PLXNA2: variants seen among roughly 807,000 people sequenced by gnomAD.
The protein encoded by PLXNA2 is plexin-A2.
In PLXNA2, 91 loss-of-function variants were observed where a neutral mutation model predicts 193.5. That is an observed-to-expected ratio of 0.47 (90% confidence interval 0.40 to 0.56). PLXNA2 has a LOEUF of 0.56. Ranked by LOEUF, PLXNA2 falls within the 20% of genes least tolerant of loss-of-function variation. PLXNA2 has a pLI of 0.00. For synonymous variants in PLXNA2, 997 were observed against 1,027.3 expected, an observed-to-expected ratio of 0.97 and a Z score of 0.56; for missense variants, 1,995 against 2,503.2, an observed-to-expected ratio of 0.80 and a Z score of 4.33.
At chr1:208,158,283 C>T (rs531744912) in intron 3 of PLXNA2, among the ~76,000 whole-genome samples, 4 of 152,318 alleles carry the variant, frequency 2.6e-5, no homozygotes, top group African/African-American at 9.6e-5. Context: ...TTCTCCTTCC[C>T]TTCCTTGTCT....
At chr1:208,040,118 C>T in intron 22 of PLXNA2, 60 bp from the exon 23 acceptor site, 1 of 1,390,448 alleles carries the variant, frequency 7.2e-7, no homozygotes, top group Non-Finnish European at 1.0e-6. Flanking sequence ...GTGGTGGGGC[C>T]TGGGCTTGCC....
chr1:208,023,894 G>A lies in PLXNA2; in HGVS notation c.*3349C>T, dbSNP rs1571832657. On this transcript the variant is annotated 3_prime_UTR_variant, in exon 32 of 32. Transcript: ENST00000367033. ...CCCTCCTCCAATGAGATTAACAGCTGATCCATGCTTTTAATGACTGAACTC... is the reference window on the plus strand; with the variant it reads ...CCCTCCTCCAATGAGATTAACAGCTAATCCATGCTTTTAATGACTGAACTC... The A allele has an allele frequency of 6.6e-6, 1 of 152,298 alleles. No individual in the cohort carries two copies. Among genetic ancestry groups the A allele is most frequent in the East Asian group, 1.9e-4 (1 of 5,200 alleles). The allele number at this position is 152,298 out of a possible 1,614,324, so 9.4% of individuals were successfully genotyped here.
intron 12 of PLXNA2, among the ~76,000 whole-genome samples, chr1:208,065,720 G>T (rs1347755852): frequency 6.6e-6 from 1 of 152,206 alleles, no homozygotes; most frequent in Non-Finnish European, 1.5e-5. Context: ...AATGCCCGAA[G>T]CCTGAGCTTG....
chr1:208,175,058 G>A lies in PLXNA2; in HGVS notation c.1372-32595C>T, dbSNP rs530363299. On this transcript the variant is annotated intron_variant, in intron 3 of 31. Coordinates refer to ENST00000367033, the MANE Select transcript of PLXNA2 (RefSeq NM_025179.4). ...TTAGGACTTTGCACACTAGTGGCTC[G>A]TGGGAGCTCCTGTACCCCTTAGAAA... is the stretch of plus-strand genomic sequence containing the variant. Among the ~76,000 whole-genome samples, 32 of 152,294 alleles carry A rather than the reference G, an allele frequency of 2.1e-4. 1 individual carries two copies. The South Asian group carries it at 4.4e-3, about 21-fold the overall frequency.
rs139310547 is a variant in PLXNA2, at chr1:208,171,950, C to T, written c.1372-29487G>A. On this transcript the variant is annotated intron_variant, in intron 3 of 31. Transcript: ENST00000367033. ...AAGAAAATGCATATGATGCATAGTG[C>T]CTGGGGCACATAGTAGGTGCTCAGT... is the stretch of plus-strand genomic sequence containing the variant. Among the ~76,000 whole-genome samples, 397 of 151,058 alleles carry T rather than the reference C, an allele frequency of 2.6e-3. 3 individuals carry two copies. Among genetic ancestry groups the T allele is most frequent in the Middle Eastern group, 0.01 (3 of 292 alleles).
At chr1:208,188,572 G>A (rs948299501) in intron 3 of PLXNA2, among the ~76,000 whole-genome samples, 1 of 152,120 alleles carries the variant, frequency 6.6e-6, no homozygotes, top group Non-Finnish European at 1.5e-5. Flanking sequence ...AGCTGGGCAT[G>A]GTGGTGGTTG....
intron 1 of PLXNA2, among the ~76,000 whole-genome samples, chr1:208,219,096 C>T (rs1158008859): frequency 1.3e-5 from 2 of 152,198 alleles, no homozygotes; most frequent in African/African-American, 2.4e-5. Context: ...TGCTCGAAGC[C>T]CAGTCTCTAG....
chr1:208,048,386 G>C (rs1383192962), intron 17 of PLXNA2, among the ~76,000 whole-genome samples: 1 of 152,190 alleles, frequency 6.6e-6, no homozygotes, highest in African/African-American at 2.4e-5. Context: ...CAGAAGCACA[G>C]GGCAGGGGTT....
At position 208,210,359 on chromosome 1, in the gene PLXNA2, C is replaced by T. The variant is rs756356414; in HGVS notation, c.1292G>A (p.Arg431His). 5.6e-6 allele frequency: 9 copies of T among 1,614,022 alleles called. No homozygotes were observed. The highest frequency in any genetic ancestry group is 4.5e-5 in the East Asian group (2 of 44,844). The stretch of plus-strand genomic sequence containing the variant: ...AACGTAGGAGGCCACAGAGGTCATG[C>T]GGTCCCTGCTGGTGGTGTACAGGGT... ...GLTLYTTSRDRMTSVASYVYN... is the reference protein window; with the variant it reads ...GLTLYTTSRDHMTSVASYVYN... Residue 431 changes from arginine to histidine, a missense_variant, in exon 3 of 32, where the codon CGC (arginine) becomes CAC (histidine). This residue lies in a region of PLXNA2 where 702 missense variants were observed against 812.9 expected (regional missense o/e 0.86). Transcript: ENST00000367033.
At chr1:208,063,953 T>A (rs1264047591) in intron 12 of PLXNA2, among the ~76,000 whole-genome samples, 1 of 151,976 alleles carries the variant, frequency 6.6e-6, no homozygotes, top group Non-Finnish European at 1.5e-5. Flanking sequence ...CCCATGTATC[T>A]CCCTCAGGCG....
chr1:208,176,924 G>A (rs1377716823), intron 3 of PLXNA2, among the ~76,000 whole-genome samples: 1 of 152,156 alleles, frequency 6.6e-6, no homozygotes, highest in South Asian at 2.1e-4. Flanking sequence ...TGAACCTGCT[G>A]TGCCCAGTTC....
At chr1:208,060,526 G>T (rs996085307) in intron 13 of PLXNA2, among the ~76,000 whole-genome samples, 160 bp downstream of exon 13, 1 of 152,190 alleles carries the variant, frequency 6.6e-6, no homozygotes, top group Non-Finnish European at 1.5e-5. Context: ...GGGTGGAGGT[G>T]AGGGAGGAGG....
intron 4 of PLXNA2, among the ~76,000 whole-genome samples, chr1:208,106,626 G>C (rs1667279102): frequency 6.6e-6 from 1 of 152,156 alleles, no homozygotes; most frequent in Non-Finnish European, 1.5e-5. Context: ...GGAAGATTTA[G>C]AGAGGAAAAG....
chr1:208,104,196 CAT>C, intron 4 of PLXNA2, among the ~76,000 whole-genome samples: 1 of 152,316 alleles, frequency 6.6e-6, no homozygotes, highest in East Asian at 1.9e-4. Flanking sequence ...AAAGTAAAAA[CAT>C]AACCTGTGGT....
chr1:208,133,217 G>C (rs751019485), intron 4 of PLXNA2, among the ~76,000 whole-genome samples: 6 of 152,132 alleles, frequency 3.9e-5, no homozygotes, highest in Non-Finnish European at 8.8e-5. Context: ...GGTGGTATGC[G>C]TTTATGAGTT....
intron 4 of PLXNA2, among the ~76,000 whole-genome samples, chr1:208,114,883 C>T (rs539660048): frequency 2.6e-5 from 4 of 152,092 alleles, no homozygotes; most frequent in African/African-American, 9.7e-5. Flanking sequence ...ATAGAGGGAG[C>T]GGGAGGGAGA....
chr1:208,200,897 C>T (rs888015255), intron 3 of PLXNA2, among the ~76,000 whole-genome samples: 9 of 152,250 alleles, frequency 5.9e-5, no homozygotes, highest in South Asian at 2.1e-4. Flanking sequence ...TGAACAACCG[C>T]GCCTGGCCTC....
chr1:208,202,898 A>G (rs1572027765), intron 3 of PLXNA2, among the ~76,000 whole-genome samples: 1 of 152,334 alleles, frequency 6.6e-6, no homozygotes, highest in East Asian at 1.9e-4. Context: ...AGAATTGTCC[A>G]AGATTGAAGT....
In PLXNA2 at chr1:208,058,772, G is replaced by A. The variant is rs1478857957; in HGVS notation, c.2738+1914C>T. On this transcript the variant is annotated intron_variant, in intron 13 of 31. Transcript: ENST00000367033. ...AGCTTCTCTCGACACTTTCTTCCCC[G>A]TGGCCCTGGGTGTGGGGTGAGTGCA... is the stretch of plus-strand genomic sequence containing the variant. Among the ~76,000 whole-genome samples, 8 of 152,090 alleles carry A rather than the reference G, an allele frequency of 5.3e-5. No homozygotes were observed. The South Asian group carries it at 1.0e-3, about 20-fold the overall frequency.
Sources: allele counts gnomAD v4.1 joint callset (sites outside exome capture counted in the v4.1 genomes callset), GRCh38; gene constraint gnomAD v4.1.1; regional missense constraint gnomAD v4.1.1; transcripts MANE v1.5; gene names NCBI Gene and HGNC (gene_info 2026-07-23, HGNC 2026-07-21).